Variants in EIF5A2 observed in about 807,000 individuals in gnomAD.
The protein encoded by EIF5A2 is eukaryotic translation initiation factor 5A-2.
Under a neutral mutation model 16.4 loss-of-function variants are expected in EIF5A2, and 15 were observed. The ratio of observed to expected loss-of-function variants is 0.92; its 90% CI spans 0.61 to 1.41. The LOEUF (loss-of-function observed/expected upper bound fraction) is 1.41. EIF5A2 is among the 40% of genes most tolerant of loss of function. The pLI is 0.00. For missense variants in EIF5A2, 144 were observed against 189.5 expected (o/e 0.76, Z 1.41); for synonymous variants, 48 against 61.1 (o/e 0.79, Z 1.00).
intron 3 of EIF5A2, among the ~76,000 whole-genome samples, 188 bp downstream of exon 3, chr3:170,906,801 G>T (rs1228966132): frequency 6.6e-6 from 1 of 152,102 alleles, no homozygotes; most frequent in Non-Finnish European, 1.5e-5. Flanking sequence ...TAGCAAACTA[G>T]CAATAATCCT....
intron 3 of EIF5A2, among the ~76,000 whole-genome samples, chr3:170,896,078 A>G (rs1352634219): frequency 1.3e-5 from 2 of 152,200 alleles, no homozygotes; most frequent in Non-Finnish European, 2.9e-5. Context: ...TCAAGAGTTA[A>G]ATGTTCGTAC....
At chr3:170,898,525 T>G (rs1712728784) in intron 3 of EIF5A2, among the ~76,000 whole-genome samples, 1 of 152,164 alleles carries the variant, frequency 6.6e-6, no homozygotes. Flanking sequence ...TCTCTCCTGC[T>G]GCCATATAAA....
intron 3 of EIF5A2, among the ~76,000 whole-genome samples, chr3:170,902,489 C>T (rs1332960887): frequency 6.6e-6 from 1 of 150,380 alleles, no homozygotes; most frequent in Admixed American, 6.6e-5. Context: ...CTGCAACTTC[C>T]ACCTCCCAGG....
At position 170,899,841 on chromosome 3, in the gene EIF5A2, G is replaced by A. The variant is rs1363122972; in HGVS notation, c.271-5418C>T. On this transcript the variant is annotated intron_variant, in intron 3 of 4. Coordinates refer to ENST00000295822, the MANE Select transcript of EIF5A2 (RefSeq NM_020390.6). ...TCTGACTCCATAGAGTTGGAAGGTGGGGATGGTAAGGAAATTGTTGTAAGT... is the reference window on the plus strand; with the variant it reads ...TCTGACTCCATAGAGTTGGAAGGTGAGGATGGTAAGGAAATTGTTGTAAGT... 2.0e-5 allele frequency among the ~76,000 whole-genome samples: 3 copies of A among 152,038 alleles called. No individual in the cohort carries two copies. The East Asian group carries it at 5.8e-4, about 29-fold the overall frequency.
intron 3 of EIF5A2, among the ~76,000 whole-genome samples, chr3:170,895,013 G>A (rs1268065207): frequency 4.1e-5 from 5 of 122,636 alleles, no homozygotes; most frequent in Non-Finnish European, 8.0e-5. Context: ...GCGACAGAGC[G>A]AGACTCTGTC....
At chr3:170,896,725 G>A (rs1576786971) in intron 3 of EIF5A2, among the ~76,000 whole-genome samples, 1 of 152,140 alleles carries the variant, frequency 6.6e-6, no homozygotes, top group African/African-American at 2.4e-5. Flanking sequence ...CAGAAAATTG[G>A]TACCAGGAGT....
At chr3:170,904,270 A>C (rs576976664) in intron 3 of EIF5A2, among the ~76,000 whole-genome samples, 1 of 152,378 alleles carries the variant, frequency 6.6e-6, no homozygotes, top group South Asian at 2.1e-4. Context: ...ACATAAAATT[A>C]AAACTATAAA....
chr3:170,895,704 T>C lies in EIF5A2; in HGVS notation c.271-1281A>G, dbSNP rs115516072. The stretch of plus-strand genomic sequence containing the variant: ...CAGGAAATTTGAGTTTTTATATGTC[T>C]AGAAATCTCAAAAATAAGAAATCCT... On this transcript the variant is annotated intron_variant, in intron 3 of 4. Transcript: ENST00000295822. Among the ~76,000 whole-genome samples, 898 of 152,306 alleles carry C rather than the reference T, an allele frequency of 5.9e-3. 13 individuals are homozygous for C. Among genetic ancestry groups the C allele is most frequent in the African/African-American group, 0.021 (873 of 41,564 alleles).
At chr3:170,905,023 T>A (rs1228495268) in intron 3 of EIF5A2, among the ~76,000 whole-genome samples, 1 of 152,168 alleles carries the variant, frequency 6.6e-6, no homozygotes, top group African/African-American at 2.4e-5. Context: ...GCGGAGTACA[T>A]ACCAAGGGTT....
intron 2 of EIF5A2, among the ~76,000 whole-genome samples, chr3:170,907,413 T>C (rs1000231879): frequency 6.6e-6 from 1 of 152,168 alleles, no homozygotes; most frequent in African/African-American, 2.4e-5. Context: ...TATAGGTCAC[T>C]AGGATTCAGG....
In EIF5A2 at chr3:170,888,600, C is replaced by T. The variant is rs1288021668; in HGVS notation, c.*4760G>A. 6.6e-6 allele frequency: 1 copy of T among 152,276 alleles called. No homozygotes were observed. Among genetic ancestry groups the T allele is most frequent in the East Asian group, 1.9e-4 (1 of 5,178 alleles). 9.4% of individuals were successfully genotyped at this position (152,276 alleles called of 1,614,324 possible). On this transcript the variant is annotated 3_prime_UTR_variant, in exon 5 of 5. Transcript: ENST00000295822. ...TGTAAAATGTACAATTAGTAATACC[C>T]ATACTACGTATTTTAGAATTTTAAA...
At position 170,889,157 on chromosome 3, in the gene EIF5A2, C is replaced by G. The variant is rs1249049552; in HGVS notation, c.*4203G>C. 1.4e-5 allele frequency: 2 copies of G among 141,460 alleles called. No homozygotes were observed. The highest frequency in any genetic ancestry group is 7.8e-5 in the Admixed American group (1 of 12,896). 8.8% of individuals were successfully genotyped at this position (141,460 alleles called of 1,614,324 possible). A position where few individuals can be genotyped will look rare whatever the true frequency, so the allele number is the denominator to read the frequency against. On this transcript the variant is annotated 3_prime_UTR_variant, in exon 5 of 5. Coordinates refer to ENST00000295822, the MANE Select transcript of EIF5A2 (RefSeq NM_020390.6). ...CAAGTATGTTTCTAGCAGGTGAAAGCCTGGTATGCATTGCCATAAAGTGCA... is the reference window on the plus strand; with the variant it reads ...CAAGTATGTTTCTAGCAGGTGAAAGGCTGGTATGCATTGCCATAAAGTGCA...
In EIF5A2 at chr3:170,890,107, T is replaced by G. The variant is rs1188599588; in HGVS notation, c.*3253A>C. ...GAGAACAATGCATTCAAATTACAGCTCAACTAGAAATATTCTAATTGAGAA... is the reference window on the plus strand; with the variant it reads ...GAGAACAATGCATTCAAATTACAGCGCAACTAGAAATATTCTAATTGAGAA... On this transcript the variant is annotated 3_prime_UTR_variant, in exon 5 of 5. Transcript: ENST00000295822. 3 of 152,254 alleles carry G rather than the reference T, an allele frequency of 2.0e-5. No homozygotes were observed. The highest frequency in any genetic ancestry group is 7.3e-5 in the African/African-American group (3 of 41,358). The allele number at this position is 152,254 out of a possible 1,614,324, so 9.4% of individuals were successfully genotyped here.
chr3:170,894,765 G>A (rs1159591276), intron 3 of EIF5A2, among the ~76,000 whole-genome samples: 4 of 150,362 alleles, frequency 2.7e-5, no homozygotes, highest in Middle Eastern at 3.5e-3. Context: ...GGTGGCTCAC[G>A]CCTGTAATCC....
In EIF5A2 at chr3:170,893,240, A is replaced by G; in HGVS notation, c.*120T>C. On this transcript the variant is annotated 3_prime_UTR_variant, in exon 5 of 5. Coordinates refer to ENST00000295822, the MANE Select transcript of EIF5A2 (RefSeq NM_020390.6). ...GCAAAACTAACCCAGCACAATCTGAAAACAATTAAAAAAAGAAATGAGGTT... is the reference window on the plus strand; with the variant it reads ...GCAAAACTAACCCAGCACAATCTGAGAACAATTAAAAAAAGAAATGAGGTT... The G allele has an allele frequency of 3.2e-6, 3 of 940,900 alleles. No individual in the cohort carries two copies. Among genetic ancestry groups the G allele is most frequent in the Non-Finnish European group, 4.5e-6 (3 of 663,922 alleles). The allele number at this position is 940,900 out of a possible 1,614,324, so 58.3% of individuals were successfully genotyped here.
chr3:170,904,816 C>A (rs1399350371), intron 3 of EIF5A2, among the ~76,000 whole-genome samples: 1 of 152,152 alleles, frequency 6.6e-6, no homozygotes, highest in Non-Finnish European at 1.5e-5. Context: ...CTATGCCAGG[C>A]GTTGTTGTAT....
rs779503468 is a variant in EIF5A2 at position 170,894,443 on chromosome 3, C to A, written c.271-20G>T. On this transcript the variant is annotated intron_variant, in intron 3 of 4. Coordinates refer to ENST00000295822, the MANE Select transcript of EIF5A2 (RefSeq NM_020390.6). ...TATCAGCTATTAGAAGAAATTATAT[C>A]ATTTGTGCTGATTAGATTATATCCA... The A allele has an allele frequency of 6.2e-7, 1 of 1,612,096 alleles. No homozygotes were observed. Among genetic ancestry groups the A allele is most frequent in the Non-Finnish European group, 8.5e-7 (1 of 1,178,776 alleles).
At chr3:170,899,535 T>G (rs1712758879) in intron 3 of EIF5A2, among the ~76,000 whole-genome samples, 1 of 152,262 alleles carries the variant, frequency 6.6e-6, no homozygotes, top group South Asian at 2.1e-4. Context: ...TCTCACTGTT[T>G]CCTCATGATA....
intron 3 of EIF5A2, among the ~76,000 whole-genome samples, 168 bp from the exon 4 acceptor site, chr3:170,894,591 G>C (rs1712621601): frequency 6.6e-6 from 1 of 152,012 alleles, no homozygotes; most frequent in South Asian, 2.1e-4. Flanking sequence ...AATATGTACA[G>C]AATGGAAATA....
Sources: gnomAD v4.1 joint callset for allele counts (sites outside exome capture counted in the v4.1 genomes callset) on GRCh38, gnomAD v4.1.1 for gene constraint, MANE v1.5 for transcripts, NCBI Gene and HGNC (gene_info 2026-07-23, HGNC 2026-07-21) for gene names.